Variants in ASCC3 observed in about 807,000 individuals in gnomAD.
ASCC3 encodes the protein activating signal cointegrator 1 complex subunit 3, also known as ASC-1 complex subunit P200.
Under a neutral mutation model 256.3 loss-of-function variants are expected in ASCC3, and 158 were observed. That is an observed-to-expected ratio of 0.62 (90% CI 0.54 to 0.70). The LOEUF (loss-of-function observed/expected upper bound fraction) is 0.70, where lower values mean the gene tolerates loss of function less well. Ranked by LOEUF, ASCC3 falls within the 30% of genes least tolerant of loss-of-function variation. ASCC3 has a pLI of 0.00. For missense variants in ASCC3, 2,259 were observed against 2,626.0 expected, an observed-to-expected ratio of 0.86 and a Z score of 3.05; for synonymous variants, 948 against 883.4, an observed-to-expected ratio of 1.07 and a Z score of -1.30.
intron 36 of ASCC3, among the ~76,000 whole-genome samples, chr6:100,586,119 G>T (rs183857572): frequency 1.3e-5 from 2 of 152,316 alleles, no homozygotes; most frequent in East Asian, 3.9e-4. Flanking sequence ...AAAGCTGTCA[G>T]CCAGGGACAT....
At chr6:100,555,979 G>A (rs1289837866) in intron 36 of ASCC3, among the ~76,000 whole-genome samples, 1 of 152,152 alleles carries the variant, frequency 6.6e-6, no homozygotes, top group Non-Finnish European at 1.5e-5. Flanking sequence ...CTGGGCGACA[G>A]AGTGAAACCA....
intron 36 of ASCC3, among the ~76,000 whole-genome samples, chr6:100,573,343 T>C (rs1033345545): frequency 1.3e-5 from 2 of 152,140 alleles, no homozygotes; most frequent in African/African-American, 4.8e-5. Flanking sequence ...TCACCATTAT[T>C]CATGGAGGAA....
At chr6:100,667,392 A>G (rs1776531730) in intron 14 of ASCC3, among the ~76,000 whole-genome samples, 1 of 152,094 alleles carries the variant, frequency 6.6e-6, no homozygotes, top group Non-Finnish European at 1.5e-5. Flanking sequence ...AAATTAAGCT[A>G]GAAAAAAGGA....
chr6:100,592,442 T>C lies in ASCC3; in HGVS notation c.5304-2383A>G, dbSNP rs186834864. ...TATTTGGACTGAGATTCTAAAGTCA[T>C]TTAAAATATTTTCAAATCCTTATAA... On this transcript the variant is annotated intron_variant, in intron 34 of 41. Transcript: ENST00000369162. 3.3e-3 allele frequency among the ~76,000 whole-genome samples: 502 copies of C among 152,136 alleles called. 1 individual carries two copies. The highest frequency in any genetic ancestry group is 0.01 in the Middle Eastern group (3 of 288).
intron 32 of ASCC3, 49 bp downstream of exon 32, chr6:100,606,691 T>C: frequency 5.9e-6 from 9 of 1,529,274 alleles, no homozygotes; most frequent in Non-Finnish European, 7.9e-6. Flanking sequence ...TCAAATTTAC[T>C]CAGGGTAAAA....
At chr6:100,852,958 T>C (rs1427476398) in intron 3 of ASCC3, among the ~76,000 whole-genome samples, 1 of 151,330 alleles carries the variant, frequency 6.6e-6, no homozygotes, top group Non-Finnish European at 1.5e-5. Flanking sequence ...GGATGTGAAA[T>C]GCATAGTAAA....
chr6:100,679,839 A>T lies in ASCC3; in HGVS notation c.2152-87T>A. On this transcript the variant is annotated intron_variant, in intron 13 of 41. Transcript: ENST00000369162. ...GCCTGGATATCATTCCATATAAACA[A>T]CTATTAATTTCTCAAAACATAATCA... 2.1e-6 allele frequency: 3 copies of T among 1,409,836 alleles called. No individual in the cohort carries two copies. In the East Asian group the frequency reaches 6.9e-5, roughly 33 times the overall value. 87.3% of individuals were successfully genotyped at this position (1,409,836 alleles called of 1,614,324 possible). A position where few individuals can be genotyped will look rare whatever the true frequency, so the allele number is the denominator to read the frequency against.
intron 13 of ASCC3, among the ~76,000 whole-genome samples, chr6:100,696,936 T>C (rs1054842627): frequency 6.6e-6 from 1 of 152,138 alleles, no homozygotes; most frequent in African/African-American, 2.4e-5. Context: ...TAATATGATA[T>C]TGTAATCATG....
intron 18 of ASCC3, 21 bp from the exon 19 acceptor site, chr6:100,651,667 T>C: frequency 7.8e-7 from 1 of 1,280,160 alleles, no homozygotes; most frequent in Non-Finnish European, 1.1e-6. Context: ...AAGTGTTATA[T>C]TTGATTAAAA....
At chr6:100,818,262 G>A (rs1770850309) in intron 4 of ASCC3, among the ~76,000 whole-genome samples, 1 of 152,052 alleles carries the variant, frequency 6.6e-6, no homozygotes, top group Admixed American at 6.6e-5. Context: ...ATGTGATCAA[G>A]GGTATCTGTG....
chr6:100,742,618 C>T (rs1780490820), intron 10 of ASCC3, among the ~76,000 whole-genome samples: 1 of 152,182 alleles, frequency 6.6e-6, no homozygotes, highest in South Asian at 2.1e-4. Flanking sequence ...CAAATGCATC[C>T]AAGTCCTGCT....
At chr6:100,551,126 A>G (rs1254138951) in intron 36 of ASCC3, among the ~76,000 whole-genome samples, 1 of 151,932 alleles carries the variant, frequency 6.6e-6, no homozygotes, top group Non-Finnish European at 1.5e-5. Context: ...AACTATATGC[A>G]CTTCAATAAA....
chr6:100,516,077 T>C, intron 39 of ASCC3, 103 bp downstream of exon 39: 1 of 1,401,054 alleles, frequency 7.1e-7, no homozygotes, highest in Non-Finnish European at 1.0e-6. Context: ...ACAATTTAAC[T>C]CAAGGTGAGC....
At chr6:100,606,601 C>T in intron 32 of ASCC3, 139 bp downstream of exon 32, 1 of 947,080 alleles carries the variant, frequency 1.1e-6, no homozygotes, top group Non-Finnish European at 1.5e-6. Flanking sequence ...AACAAAAAGT[C>T]TATAATTGCT....
chr6:100,586,371 G>C (rs1262474984), intron 36 of ASCC3, among the ~76,000 whole-genome samples: 2 of 152,178 alleles, frequency 1.3e-5, no homozygotes, highest in Non-Finnish European at 2.9e-5. Context: ...CTCCGTGGGC[G>C]TAGGACCCTC....
At chr6:100,566,864 T>C (rs1770281266) in intron 36 of ASCC3, among the ~76,000 whole-genome samples, 1 of 152,146 alleles carries the variant, frequency 6.6e-6, no homozygotes, top group South Asian at 2.1e-4. Flanking sequence ...CTCTACTTTC[T>C]TAAAATTCAT....
At chr6:100,778,776 T>C (rs1298015529) in intron 8 of ASCC3, among the ~76,000 whole-genome samples, 1 of 152,164 alleles carries the variant, frequency 6.6e-6, no homozygotes, top group Middle Eastern at 3.2e-3. Flanking sequence ...ATTGAATAAC[T>C]TGGTGTTCCA....
At chr6:100,546,201 C>T (rs540172544) in intron 36 of ASCC3, among the ~76,000 whole-genome samples, 2 of 151,942 alleles carry the variant, frequency 1.3e-5, no homozygotes, top group African/African-American at 4.8e-5. Flanking sequence ...AATATGAAAA[C>T]CTGGATATTG....
At chr6:100,543,952 C>A (rs544965709) in intron 36 of ASCC3, among the ~76,000 whole-genome samples, 18 of 151,838 alleles carry the variant, frequency 1.2e-4, no homozygotes, top group Non-Finnish European at 2.5e-4. Context: ...TATTAGAGGG[C>A]CATAAAAACA....
Sources: gnomAD v4.1 joint callset for allele counts (sites outside exome capture counted in the v4.1 genomes callset) on GRCh38, gnomAD v4.1.1 for gene constraint, MANE v1.5 for transcripts, NCBI Gene and HGNC (gene_info 2026-07-23, HGNC 2026-07-21) for gene names.